Variants in GRB14 observed in about 807,000 individuals in gnomAD.
GRB14 encodes the protein growth factor receptor-bound protein 14.
Under a neutral mutation model 69.1 loss-of-function variants are expected in GRB14, and 38 were observed. That is an observed-to-expected ratio of 0.55 (90% confidence interval 0.42 to 0.72). GRB14 has a LOEUF of 0.72. Ranked by LOEUF, GRB14 falls within the 30% of genes least tolerant of loss-of-function variation. The pLI is 0.00. For missense variants in GRB14, 666 were observed against 666.1 expected, an observed-to-expected ratio of 1.00 and a Z score of 0.00; for synonymous variants, 247 against 241.3, an observed-to-expected ratio of 1.02 and a Z score of -0.22.
chr2:164,597,053 T>A (rs1336433653), intron 2 of GRB14, among the ~76,000 whole-genome samples: 2 of 152,220 alleles, frequency 1.3e-5, no homozygotes, highest in Non-Finnish European at 2.9e-5. Context: ...CATCAATCCA[T>A]AACATTACAC....
At chr2:164,514,626 A>G (rs777792606) in intron 6 of GRB14, among the ~76,000 whole-genome samples, 1 of 152,162 alleles carries the variant, frequency 6.6e-6, no homozygotes, top group Admixed American at 6.5e-5. Flanking sequence ...CTTGGAAAAG[A>G]CCACAGAGAG....
chr2:164,539,038 GA>G (rs1381614581), intron 3 of GRB14, among the ~76,000 whole-genome samples: 1 of 152,096 alleles, frequency 6.6e-6, no homozygotes, highest in African/African-American at 2.4e-5. Flanking sequence ...GTGGTGGGAA[GA>G]AACCAACTTG....
chr2:164,574,640 T>C (rs939442365), intron 2 of GRB14, among the ~76,000 whole-genome samples: 4 of 152,218 alleles, frequency 2.6e-5, no homozygotes, highest in African/African-American at 9.6e-5. Flanking sequence ...GACTTTTTTG[T>C]AGTCAAAACT....
chr2:164,537,472 T>C (rs952265865), intron 3 of GRB14, among the ~76,000 whole-genome samples: 11 of 151,618 alleles, frequency 7.3e-5, no homozygotes, highest in Admixed American at 5.3e-4. Context: ...GAGGGAGGGG[T>C]GAGACATTAA....
intron 2 of GRB14, among the ~76,000 whole-genome samples, chr2:164,579,501 GCACACA>G (rs61305070): frequency 5.0e-4 from 73 of 145,102 alleles, no homozygotes; most frequent in East Asian, 1.7e-3. Context: ...GGGCACACTT[GCACACA>G]CACACACACA....
chr2:164,541,824 TA>T (rs1232371420), intron 3 of GRB14, among the ~76,000 whole-genome samples: 1 of 152,146 alleles, frequency 6.6e-6, no homozygotes, highest in African/African-American at 2.4e-5. Flanking sequence ...GTGAGCACAG[TA>T]CTCGACAGTT....
At chr2:164,578,534 A>G in intron 2 of GRB14, among the ~76,000 whole-genome samples, 1 of 151,820 alleles carries the variant, frequency 6.6e-6, no homozygotes, top group East Asian at 1.9e-4. Context: ...ACACACACAC[A>G]CACACACACA....
At chr2:164,583,962 T>C (rs1396877683) in intron 2 of GRB14, among the ~76,000 whole-genome samples, 1 of 151,770 alleles carries the variant, frequency 6.6e-6, no homozygotes, top group Admixed American at 6.6e-5. Flanking sequence ...TAAAATCCTA[T>C]ATTATTATGC....
Position 164,508,853 on chromosome 2 carries a change from CT to C in GRB14, c.817-2del. On this transcript the variant is annotated splice_acceptor_variant, in intron 6 of 13. Transcript: ENST00000263915. LOFTEE classifies it high-confidence loss of function. The stretch of plus-strand genomic sequence containing the variant: ...TGAAAAACTGCAAATGCCGCGGTTC[CT>C]TAAAAAAAAAAGTATTGACATGGAT... 6.4e-7 allele frequency: 1 copy of C among 1,555,444 alleles called. No individual in the cohort carries two copies. The highest frequency in any genetic ancestry group is 8.7e-7 in the Non-Finnish European group (1 of 1,155,670).
chr2:164,539,438 T>C (rs1413660980), intron 3 of GRB14, among the ~76,000 whole-genome samples: 1 of 151,124 alleles, frequency 6.6e-6, no homozygotes, highest in Non-Finnish European at 1.5e-5. Flanking sequence ...TCACATACTG[T>C]ACTCCACCCT....
intron 2 of GRB14, 53 bp from the exon 3 acceptor site, chr2:164,547,869 A>G: frequency 7.6e-7 from 1 of 1,314,394 alleles, no homozygotes; most frequent in African/African-American, 1.5e-5. Context: ...TTGTGTTTTT[A>G]ATAAATTTTA....
At chr2:164,534,788 T>C (rs1688037438) in intron 3 of GRB14, among the ~76,000 whole-genome samples, 1 of 152,170 alleles carries the variant, frequency 6.6e-6, no homozygotes, top group East Asian at 1.9e-4. Context: ...TGCTGCTATG[T>C]TCAAAACCCA....
At position 164,492,619 on chromosome 2, in the gene GRB14, T is replaced by A. The variant is rs914022048; in HGVS notation, c.*417A>T. ...TCTTTTAATTGATAAGTTATTATCA[T>A]ATTTCTTAACATTAAAAAATAGTAT... On this transcript the variant is annotated 3_prime_UTR_variant, in exon 14 of 14. Coordinates refer to ENST00000263915, the MANE Select transcript of GRB14 (RefSeq NM_004490.3). 1.3e-5 allele frequency among the ~76,000 whole-genome samples: 2 copies of A among 151,850 alleles called. No homozygotes were observed. The highest frequency in any genetic ancestry group is 3.0e-5 in the Non-Finnish European group (2 of 67,792).
chr2:164,565,017 AAAACAAACAAATAAAC>A (rs1287647151), intron 2 of GRB14, among the ~76,000 whole-genome samples: 1 of 152,200 alleles, frequency 6.6e-6, no homozygotes, highest in Non-Finnish European at 1.5e-5. Flanking sequence ...TCAATCTCAA[AAAACAAACAAATAAAC>A]AAACAAACAA....
At chr2:164,580,233 T>G (rs1296610828) in intron 2 of GRB14, among the ~76,000 whole-genome samples, 1 of 151,918 alleles carries the variant, frequency 6.6e-6, no homozygotes, top group Non-Finnish European at 1.5e-5. Context: ...TAGCTGGGAT[T>G]ACAGGTGCCC....
intron 2 of GRB14, among the ~76,000 whole-genome samples, chr2:164,592,776 C>T (rs1421323956): frequency 6.6e-6 from 1 of 152,102 alleles, no homozygotes; most frequent in Non-Finnish European, 1.5e-5. Context: ...CAATTTTTTT[C>T]AAATGTGGAA....
chr2:164,592,069 G>A (rs1054869804), intron 2 of GRB14, among the ~76,000 whole-genome samples: 2 of 152,008 alleles, frequency 1.3e-5, no homozygotes, highest in Non-Finnish European at 1.5e-5. Flanking sequence ...CTCTAGCCAC[G>A]TGGAAGTGTG....
intron 9 of GRB14, among the ~76,000 whole-genome samples, chr2:164,499,331 C>T (rs1220572356): frequency 5.3e-5 from 8 of 152,056 alleles, no homozygotes; most frequent in African/African-American, 1.9e-4. Flanking sequence ...AAATAAGGAA[C>T]GTTTTCATTT....
At position 164,594,252 on chromosome 2, in the gene GRB14, T is replaced by C. The variant is rs554575222; in HGVS notation, c.324+25435A>G. 5.9e-5 allele frequency among the ~76,000 whole-genome samples: 9 copies of C among 152,346 alleles called. No individual in the cohort carries two copies. In the South Asian group the frequency reaches 1.9e-3, roughly 32 times the overall value. ...AAGGGTTACCTCCTTTGGCAGTATTTGCCCTGGATGCAGGAAGACAAAAGA... is the reference window on the plus strand; with the variant it reads ...AAGGGTTACCTCCTTTGGCAGTATTCGCCCTGGATGCAGGAAGACAAAAGA... On this transcript the variant is annotated intron_variant, in intron 2 of 13. Coordinates refer to ENST00000263915, the MANE Select transcript of GRB14 (RefSeq NM_004490.3).
Sources: allele counts gnomAD v4.1 joint callset (sites outside exome capture counted in the v4.1 genomes callset), GRCh38; gene constraint gnomAD v4.1.1; transcripts MANE v1.5; gene names NCBI Gene and HGNC (gene_info 2026-07-23, HGNC 2026-07-21).